Variants in ABCB1 observed in about 807,000 individuals in gnomAD.
ABCB1 encodes the protein ATP-dependent translocase ABCB1.
Under a neutral mutation model 142.0 loss-of-function variants are expected in ABCB1, and 69 were observed. That is an observed-to-expected ratio of 0.49 (90% CI 0.40 to 0.59). The LOEUF (loss-of-function observed/expected upper bound fraction) is 0.59. ABCB1 is among the 20% of genes least tolerant of loss of function. ABCB1 has a pLI of 0.00. For missense variants in ABCB1, 1,326 were observed against 1,554.7 expected, an observed-to-expected ratio of 0.85 and a Z score of 2.47; for synonymous variants, 532 against 539.2, an observed-to-expected ratio of 0.99 and a Z score of 0.18.
At chr7:87,539,677 G>A (rs1816446227) in intron 18 of ABCB1, among the ~76,000 whole-genome samples, 1 of 152,132 alleles carries the variant, frequency 6.6e-6, no homozygotes, top group Non-Finnish European at 1.5e-5. Context: ...TTACCCACTG[G>A]ACTCCCTCCC....
intron 1 of ABCB1, among the ~76,000 whole-genome samples, chr7:87,620,411 G>A (rs879809677): frequency 1.3e-5 from 2 of 152,118 alleles, no homozygotes; most frequent in African/African-American, 2.4e-5. Context: ...ACCCACCTCG[G>A]CCTCACAAAG....
chr7:87,670,791 T>G (rs1237010430), intron 1 of ABCB1, among the ~76,000 whole-genome samples: 2 of 152,200 alleles, frequency 1.3e-5, no homozygotes, highest in Non-Finnish European at 2.9e-5. Context: ...AGCAGGTGGC[T>G]TAGGCTTTTT....
intron 2 of ABCB1, among the ~76,000 whole-genome samples, chr7:87,598,479 G>A (rs1819303109): frequency 6.6e-6 from 1 of 152,162 alleles, no homozygotes; most frequent in Non-Finnish European, 1.5e-5. Context: ...TTTAATTGGA[G>A]AAGCATATTC....
intron 1 of ABCB1, among the ~76,000 whole-genome samples, chr7:87,683,144 T>A (rs753843669): frequency 1.3e-5 from 2 of 152,182 alleles, no homozygotes; most frequent in African/African-American, 4.8e-5. Context: ...TTCTGCGGCG[T>A]CTTTGCCTCT....
intron 1 of ABCB1, among the ~76,000 whole-genome samples, chr7:87,695,277 CTAA>C (rs1563140325): frequency 6.6e-6 from 1 of 152,024 alleles, no homozygotes; most frequent in African/African-American, 2.4e-5. Flanking sequence ...TAAACCTCAA[CTAA>C]TAATAGTACC....
chr7:87,508,578 C>T (rs1814855769), intron 26 of ABCB1, among the ~76,000 whole-genome samples: 5 of 152,046 alleles, frequency 3.3e-5, no homozygotes, highest in Admixed American at 3.3e-4. Context: ...CAGAGGACAC[C>T]CATAGGACCA....
At chr7:87,691,623 C>T (rs780401071) in intron 1 of ABCB1, among the ~76,000 whole-genome samples, 16 of 152,072 alleles carry the variant, frequency 1.1e-4, no homozygotes, top group Non-Finnish European at 2.4e-4. Context: ...CTTTGTCATA[C>T]GCTTGTTTAT....
chr7:87,601,604 A>G (rs993014227), upstream of ABCB1, among the ~76,000 whole-genome samples: 3 of 152,186 alleles, frequency 2.0e-5, no homozygotes, highest in Non-Finnish European at 4.4e-5. Context: ...TTCCTTCCAT[A>G]TTTACTGCCA....
intron 1 of ABCB1, among the ~76,000 whole-genome samples, chr7:87,688,488 A>G (rs1233112479): frequency 2.0e-5 from 3 of 151,520 alleles, no homozygotes; most frequent in East Asian, 1.9e-4. Context: ...ACTTTTGCCT[A>G]TTTCTTCTGT....
intron 9 of ABCB1, 52 bp downstream of exon 9, chr7:87,553,709 A>G: frequency 6.4e-7 from 1 of 1,555,628 alleles, no homozygotes; most frequent in Non-Finnish European, 8.9e-7. Flanking sequence ...ACATTACTGG[A>G]TTTCATTGGC....
intron 1 of ABCB1, among the ~76,000 whole-genome samples, chr7:87,687,074 ATAATT>A (rs1217419234): frequency 6.6e-6 from 1 of 152,214 alleles, no homozygotes; most frequent in Non-Finnish European, 1.5e-5. Context: ...TAAATTGCGT[ATAATT>A]TAATCTGCTA....
At chr7:87,507,771 A>G (rs1188736259) in intron 26 of ABCB1, among the ~76,000 whole-genome samples, 1 of 152,134 alleles carries the variant, frequency 6.6e-6, no homozygotes, top group Non-Finnish European at 1.5e-5. Context: ...AACTGGTGAT[A>G]ATGGGTGAGG....
chr7:87,626,766 ATATAT>A (rs1820676576), intron 1 of ABCB1, among the ~76,000 whole-genome samples: 2 of 133,360 alleles, frequency 1.5e-5, no homozygotes, highest in Non-Finnish European at 3.3e-5. Flanking sequence ...TATATGTCAT[ATATAT>A]GTCAGAGAGA....
At chr7:87,639,436 C>A (rs1264440588) in intron 1 of ABCB1, among the ~76,000 whole-genome samples, 1 of 151,980 alleles carries the variant, frequency 6.6e-6, no homozygotes, top group Non-Finnish European at 1.5e-5. Flanking sequence ...TGTTCATGTC[C>A]TCTGTATTCT....
At chr7:87,657,141 G>T (rs565526898) in intron 1 of ABCB1, among the ~76,000 whole-genome samples, 15 of 152,268 alleles carry the variant, frequency 9.9e-5, no homozygotes, top group Middle Eastern at 3.4e-3. Flanking sequence ...GAAAGGTAGC[G>T]AGTAGAAGAA....
chr7:87,595,652 C>T, intron 3 of ABCB1, 114 bp downstream of exon 3: 1 of 811,494 alleles, frequency 1.2e-6, no homozygotes, highest in South Asian at 1.5e-5. Context: ...TATTTTGCAT[C>T]TCCATTAACA....
At chr7:87,661,182 C>G (rs1824671527) in intron 1 of ABCB1, among the ~76,000 whole-genome samples, 1 of 151,718 alleles carries the variant, frequency 6.6e-6, no homozygotes, top group South Asian at 2.1e-4. Flanking sequence ...GATTTTTTTA[C>G]AGGCACACAA....
chr7:87,530,997 A>G (rs938530887), intron 21 of ABCB1, among the ~76,000 whole-genome samples: 6 of 152,090 alleles, frequency 3.9e-5, no homozygotes, highest in African/African-American at 1.2e-4. Context: ...GAGAGAAAAG[A>G]AAGAAGAAAA....
intron 1 of ABCB1, among the ~76,000 whole-genome samples, chr7:87,660,908 C>G (rs1300213856): frequency 1.3e-5 from 2 of 151,754 alleles, no homozygotes; most frequent in Non-Finnish European, 2.9e-5. Flanking sequence ...GAGTTATAGT[C>G]AGAATTTGGT....
Sources: gnomAD v4.1 joint callset for allele counts (sites outside exome capture counted in the v4.1 genomes callset) on GRCh38, gnomAD v4.1.1 for gene constraint, MANE v1.5 for transcripts, NCBI Gene and HGNC (gene_info 2026-07-23, HGNC 2026-07-21) for gene names.